The following DCBLD2 variants were observed in gnomAD, a reference collection of about 807,000 sequenced individuals.
DCBLD2 encodes the protein discoidin, CUB and LCCL domain-containing protein 2.
A neutral mutation model predicts 86.8 loss-of-function variants in DCBLD2; 54 were observed. The ratio of observed to expected loss-of-function variants is 0.62; its 90% confidence interval spans 0.50 to 0.78. DCBLD2 has a LOEUF of 0.78. Among genes scored for constraint, DCBLD2 ranks in the 30% least tolerant of loss-of-function variants. DCBLD2 has a pLI of 0.00. For missense variants in DCBLD2, 908 were observed against 954.2 expected, an observed-to-expected ratio of 0.95 and a Z score of 0.64; for synonymous variants, 354 against 341.3, an observed-to-expected ratio of 1.04 and a Z score of -0.41.
At chr3:98,844,780 T>C (rs1392937195) in intron 3 of DCBLD2, among the ~76,000 whole-genome samples, 1 of 152,226 alleles carries the variant, frequency 6.6e-6, no homozygotes, top group Non-Finnish European at 1.5e-5. Flanking sequence ...ATAGAGCTTC[T>C]AAACAGGGGT....
Position 98,825,334 on chromosome 3 carries a change from A to G in DCBLD2, c.604T>C (p.Phe202Leu). The G allele has an allele frequency of 6.4e-7, 1 of 1,555,904 alleles. No homozygotes were observed. Among genetic ancestry groups the G allele is most frequent in the Non-Finnish European group, 8.6e-7 (1 of 1,157,912 alleles). The change falls in exon 4 of 16, where the codon TTT (phenylalanine) becomes CTT (leucine). Residue 202 changes from phenylalanine to leucine, a missense_variant. Phe to Leu is a conservative substitution (Grantham distance 22). This residue lies in a region of DCBLD2 where 294 missense variants were observed against 256.0 expected (regional missense o/e 1.15). Transcript: ENST00000326840. Reference protein sequence around the residue: ...LITCLDTASNFLEPEFSKYCP... With the variant: ...LITCLDTASNLLEPEFSKYCP... ...TCATACCTGAACTCAGGTTCCAAAA[A>G]ATTGGATGCAGTGTCCAAACAAGTA...
intron 3 of DCBLD2, among the ~76,000 whole-genome samples, chr3:98,841,240 C>CTGT (rs1942614773): frequency 6.6e-6 from 1 of 152,074 alleles, no homozygotes; most frequent in Non-Finnish European, 1.5e-5. Flanking sequence ...TGAAGGCAAG[C>CTGT]CAATAATCAA....
intron 2 of DCBLD2, among the ~76,000 whole-genome samples, chr3:98,859,212 A>G (rs1179409458): frequency 6.6e-6 from 1 of 152,196 alleles, no homozygotes; most frequent in Non-Finnish European, 1.5e-5. Flanking sequence ...TTGAGTAGGT[A>G]AACAAAGCGG....
rs770013510 is a variant in DCBLD2 at position 98,800,614 on chromosome 3, C to T, written c.1823G>A (p.Arg608Lys). 2 of 1,613,912 alleles carry T rather than the reference C, an allele frequency of 1.2e-6. No individual in the cohort carries two copies. Among genetic ancestry groups the T allele is most frequent in the Non-Finnish European group, 1.7e-6 (2 of 1,179,850 alleles). The change falls in exon 15 of 16, where the codon AGA becomes AAA. Residue 608 changes from arginine to lysine, a missense_variant. By Grantham distance (26) the Arg-to-Lys change is conservative. Transcript: ENST00000326840. ...SSSEVNHLSP[R>K]EVTTVLQADS... ...AGCCTGCAGCACTGTGGTGACTTCT[C>T]TTGGACTCAGGTGATTAACTTCGCT...
chr3:98,816,796 C>CT (rs886926351), intron 9 of DCBLD2, among the ~76,000 whole-genome samples: 2 of 151,944 alleles, frequency 1.3e-5, no homozygotes, highest in African/African-American at 4.8e-5. Flanking sequence ...TTTTTTTCCA[C>CT]TTTGAGACAG....
chr3:98,871,914 T>C (rs1447916899), intron 2 of DCBLD2, among the ~76,000 whole-genome samples: 1 of 152,030 alleles, frequency 6.6e-6, no homozygotes, highest in African/African-American at 2.4e-5. Context: ...TGGGCATTCG[T>C]TGTTGTTGTT....
At chr3:98,822,192 T>C (rs1303876526) in intron 6 of DCBLD2, 36 bp downstream of exon 6, 5 of 1,606,512 alleles carry the variant, frequency 3.1e-6, no homozygotes, top group African/African-American at 1.3e-5. Context: ...GCTAATTATA[T>C]ATAGCATATA....
chr3:98,901,059 G>C, intron 1 of DCBLD2, 63 bp downstream of exon 1: 1 of 1,534,564 alleles, frequency 6.5e-7, no homozygotes, highest in African/African-American at 1.4e-5. Flanking sequence ...TTTGTTCAGG[G>C]GCCAAGAGAC....
At chr3:98,848,173 C>G (rs912595232) in intron 3 of DCBLD2, among the ~76,000 whole-genome samples, 1 of 152,092 alleles carries the variant, frequency 6.6e-6, no homozygotes, top group African/African-American at 2.4e-5. Context: ...TCTATATGTC[C>G]ATGTGTTTTC....
At chr3:98,804,053 G>T (rs1028926018) in intron 13 of DCBLD2, among the ~76,000 whole-genome samples, 1 of 152,134 alleles carries the variant, frequency 6.6e-6, no homozygotes, top group Admixed American at 6.5e-5. Flanking sequence ...GGATGATGCT[G>T]GCCTCATAAA....
chr3:98,887,741 A>G (rs564918194), intron 1 of DCBLD2, among the ~76,000 whole-genome samples: 22 of 152,184 alleles, frequency 1.4e-4, no homozygotes, highest in Admixed American at 2.6e-4. Context: ...TTTGTCATAT[A>G]TCCCTTGCCC....
chr3:98,886,809 C>CTTT (rs1553734159), intron 1 of DCBLD2, among the ~76,000 whole-genome samples: 111 of 121,512 alleles, frequency 9.1e-4, no homozygotes, highest in South Asian at 2.3e-3. Flanking sequence ...AACCCCCCCC[C>CTTT]TTTTTTTTTT....
At chr3:98,876,412 TAAAAAAAAAAAAAAAA>T (rs60681986) in intron 2 of DCBLD2, among the ~76,000 whole-genome samples, 2 of 47,534 alleles carry the variant, frequency 4.2e-5, no homozygotes, top group Non-Finnish European at 7.1e-5. Context: ...AGATAAAAAG[TAAAAAAAAAAAAAAAA>T]AAAAAAAAAA....
chr3:98,885,270 G>C (rs926927932), intron 1 of DCBLD2, among the ~76,000 whole-genome samples: 10 of 152,072 alleles, frequency 6.6e-5, no homozygotes, highest in Admixed American at 6.6e-4. Context: ...CCAATCTACA[G>C]CAATGAACAA....
At chr3:98,822,422 AC>A in intron 5 of DCBLD2, 61 bp from the exon 6 acceptor site, 1 of 1,551,652 alleles carries the variant, frequency 6.4e-7, no homozygotes, top group Non-Finnish European at 8.7e-7. Flanking sequence ...CATAAACAAG[AC>A]ACTCTACTTC....
intron 2 of DCBLD2, among the ~76,000 whole-genome samples, chr3:98,869,502 C>T (rs1943219916): frequency 6.6e-6 from 1 of 152,174 alleles, no homozygotes; most frequent in Admixed American, 6.5e-5. Flanking sequence ...AATAAATTCT[C>T]TGCCTACGCC....
intron 13 of DCBLD2, among the ~76,000 whole-genome samples, chr3:98,805,516 C>G (rs947974731): frequency 6.6e-6 from 1 of 152,096 alleles, no homozygotes; most frequent in Non-Finnish European, 1.5e-5. Flanking sequence ...TTATTCATTA[C>G]GTATAAAGTG....
intron 1 of DCBLD2, among the ~76,000 whole-genome samples, chr3:98,886,010 TGACTTA>T (rs1224530271): frequency 6.6e-6 from 1 of 151,798 alleles, no homozygotes; most frequent in Non-Finnish European, 1.5e-5. Context: ...GGTTAAGTGC[TGACTTA>T]GAGTTAAAGC....
chr3:98,845,158 G>A (rs1449620972), intron 3 of DCBLD2, among the ~76,000 whole-genome samples: 1 of 152,076 alleles, frequency 6.6e-6, no homozygotes, highest in African/African-American at 2.4e-5. Context: ...AGGTGAAAAT[G>A]GAAAGAGATA....
Sources: gnomAD v4.1 joint callset for allele counts (sites outside exome capture counted in the v4.1 genomes callset) on GRCh38, gnomAD v4.1.1 for gene constraint, gnomAD v4.1.1 regional missense constraint, MANE v1.5 for transcripts, NCBI Gene and HGNC (gene_info 2026-07-23, HGNC 2026-07-21) for gene names.